CDH8: variants seen among roughly 807,000 people sequenced by gnomAD.
CDH8 encodes the protein cadherin-8.
In CDH8, 17 loss-of-function variants were observed where a neutral mutation model predicts 68.1. The ratio of observed to expected loss-of-function variants is 0.25; its 90% CI spans 0.17 to 0.37. CDH8 has a LOEUF of 0.37. Ranked by LOEUF, CDH8 falls within the 10% of genes least tolerant of loss-of-function variation. CDH8 has a pLI of 1.00. For synonymous variants in CDH8, 372 were observed against 365.1 expected (o/e 1.02, Z -0.21); for missense variants, 763 against 999.3 (o/e 0.76, Z 3.19).
At chr16:61,761,081 CAT>C (rs1480920316) in intron 8 of CDH8, among the ~76,000 whole-genome samples, 2 of 152,100 alleles carry the variant, frequency 1.3e-5, no homozygotes, top group East Asian at 3.8e-4. Flanking sequence ...TAACATTTCA[CAT>C]GATACATATA....
chr16:61,832,506 C>T (rs976334070), intron 4 of CDH8, among the ~76,000 whole-genome samples: 1 of 151,698 alleles, frequency 6.6e-6, no homozygotes, highest in Non-Finnish European at 1.5e-5. Flanking sequence ...TATAACAACC[C>T]ATTTGGAAAT....
intron 8 of CDH8, among the ~76,000 whole-genome samples, chr16:61,768,367 T>TCTCTCTCTCTCTCC (rs1567461178): frequency 2.1e-4 from 17 of 80,630 alleles, no homozygotes; most frequent in South Asian, 4.3e-4. Context: ...TCTCTCTCTC[T>TCTCTCTCTCTCTCC]CCCTTTCTCT....
At chr16:61,719,116 A>G (rs1394900488) in intron 9 of CDH8, among the ~76,000 whole-genome samples, 1 of 148,940 alleles carries the variant, frequency 6.7e-6, no homozygotes, top group African/African-American at 2.4e-5. Flanking sequence ...CAACATGTTT[A>G]ATGAGCTCAC....
At chr16:61,784,668 A>G (rs1961187088) in intron 8 of CDH8, among the ~76,000 whole-genome samples, 1 of 142,690 alleles carries the variant, frequency 7.0e-6, no homozygotes, top group Admixed American at 7.1e-5. Flanking sequence ...CTATTCCAAA[A>G]TTGACCACAT....
rs568500910 is a variant in CDH8 at position 61,992,424 on chromosome 16, C to T, written c.252+28728G>A. 1.9e-3 allele frequency among the ~76,000 whole-genome samples: 243 copies of T among 127,658 alleles called. 1 individual carries two copies. The highest frequency in any genetic ancestry group is 7.1e-3 in the African/African-American group (230 of 32,530). The allele number at this position is 127,658 out of a possible 152,430, so 83.7% of individuals were successfully genotyped here. On this transcript the variant is annotated intron_variant, in intron 2 of 11. Transcript: ENST00000577390. ...CATGGACACAGGAAGGGGACCATCA[C>T]CCTCTGGGGACTGTTGTGGGGTGGG...
At chr16:61,775,824 C>G (rs138314520) in intron 8 of CDH8, among the ~76,000 whole-genome samples, 1 of 151,928 alleles carries the variant, frequency 6.6e-6, no homozygotes, top group Non-Finnish European at 1.5e-5. Context: ...AGAAAGAGTA[C>G]CAAAACCAGT....
At chr16:61,702,828 C>T (rs1964459012) in intron 10 of CDH8, among the ~76,000 whole-genome samples, 3 of 152,258 alleles carry the variant, frequency 2.0e-5, no homozygotes, top group Middle Eastern at 3.4e-3. Flanking sequence ...GCTTGGTAGC[C>T]GTGTTCTTTG....
At chr16:61,760,053 T>C (rs1320947304) in intron 8 of CDH8, among the ~76,000 whole-genome samples, 1 of 151,908 alleles carries the variant, frequency 6.6e-6, no homozygotes, top group African/African-American at 2.4e-5. Flanking sequence ...GAAACGTTTA[T>C]GGAGGAGAAC....
At chr16:61,936,066 A>G (rs771431205) in intron 2 of CDH8, among the ~76,000 whole-genome samples, 2 of 152,150 alleles carry the variant, frequency 1.3e-5, no homozygotes, top group African/African-American at 2.4e-5. Context: ...CAGTGTTTTT[A>G]TCTCTAAAAT....
intron 7 of CDH8, among the ~76,000 whole-genome samples, chr16:61,801,395 A>G (rs971932641): frequency 6.6e-6 from 1 of 152,202 alleles, no homozygotes; most frequent in Non-Finnish European, 1.5e-5. Flanking sequence ...TGTTCTATCC[A>G]ATATGGTAAC....
rs541563280 is a variant in CDH8 at position 62,034,135 on chromosome 16, C to A, written c.-200+1945G>T. On this transcript the variant is annotated intron_variant, in intron 1 of 11. Coordinates refer to ENST00000577390, the MANE Select transcript of CDH8 (RefSeq NM_001796.5). ...AGAACATCCTTCAAAGGTACCACTT[C>A]TCTCTGTAGAAGAATCCCACTCCCA... Among the ~76,000 whole-genome samples, 108 of 152,148 alleles carry A rather than the reference C, an allele frequency of 7.1e-4. 1 individual carries two copies. In the South Asian group the frequency reaches 0.021, roughly 30 times the overall value.
In CDH8 at chr16:61,882,474, G is replaced by A. The variant is rs764788644; in HGVS notation, c.547+18705C>T. Reference sequence around the variant, plus strand: ...GTTCTACTCACATGGCTTGACTTTCGAGCAGGAGACACTTTGTGCCTACTT... The same window carrying A: ...GTTCTACTCACATGGCTTGACTTTCAAGCAGGAGACACTTTGTGCCTACTT... On this transcript the variant is annotated intron_variant, in intron 3 of 11. Coordinates refer to ENST00000577390, the MANE Select transcript of CDH8 (RefSeq NM_001796.5). Among the ~76,000 whole-genome samples the A allele has an allele frequency of 5.3e-5, 8 of 152,094 alleles. No homozygotes were observed. The East Asian group carries it at 5.8e-4, about 11-fold the overall frequency.
chr16:61,705,878 T>C (rs1459608041), intron 10 of CDH8, among the ~76,000 whole-genome samples: 2 of 152,220 alleles, frequency 1.3e-5, no homozygotes, highest in African/African-American at 4.8e-5. Flanking sequence ...GTTTCCTCTC[T>C]AAGATTTCAA....
chr16:61,816,675 A>G (rs1962082123), intron 7 of CDH8, among the ~76,000 whole-genome samples: 1 of 152,160 alleles, frequency 6.6e-6, no homozygotes, highest in Admixed American at 6.6e-5. Context: ...ATAGATTTTC[A>G]GTGTGCTTTC....
intron 10 of CDH8, among the ~76,000 whole-genome samples, chr16:61,681,195 A>AAATATGTCC (rs1397621801): frequency 6.6e-6 from 1 of 151,914 alleles, no homozygotes; most frequent in East Asian, 1.9e-4. Flanking sequence ...AGATAAATGA[A>AAATATGTCC]AATATGTCCA....
chr16:61,789,629 A>C, intron 7 of CDH8, 147 bp from the exon 8 acceptor site: 1 of 704,816 alleles, frequency 1.4e-6, no homozygotes, highest in Non-Finnish European at 2.2e-6. Context: ...TAAAACAAAA[A>C]TGACTGAATG....
chr16:61,794,975 C>A (rs1025463348), intron 7 of CDH8, among the ~76,000 whole-genome samples: 2 of 151,952 alleles, frequency 1.3e-5, no homozygotes, highest in Non-Finnish European at 1.5e-5. Context: ...ACAGCTATGC[C>A]AACCCCATCT....
intron 2 of CDH8, among the ~76,000 whole-genome samples, chr16:61,948,502 G>A (rs886862864): frequency 2.6e-5 from 4 of 152,152 alleles, no homozygotes; most frequent in Admixed American, 2.6e-4. Context: ...TAGGCAATGT[G>A]CATCTCTGGG....
chr16:61,945,912 G>A (rs1196906174), intron 2 of CDH8, among the ~76,000 whole-genome samples: 5 of 152,152 alleles, frequency 3.3e-5, no homozygotes, highest in African/African-American at 1.2e-4. Flanking sequence ...TTGGAAGGCT[G>A]TAGAATGAAT....
Sources: allele counts gnomAD v4.1 joint callset (sites outside exome capture counted in the v4.1 genomes callset), GRCh38; gene constraint gnomAD v4.1.1; transcripts MANE v1.5; gene names NCBI Gene and HGNC (gene_info 2026-07-23, HGNC 2026-07-21).